Variants in SLIT2 observed in about 807,000 individuals in gnomAD.
SLIT2 encodes the protein slit homolog 2 protein.
SLIT2 carries 41 observed loss-of-function variants against 185.7 expected under a neutral mutation model. That is an observed-to-expected ratio of 0.22 (90% CI 0.17 to 0.29). The LOEUF (loss-of-function observed/expected upper bound fraction) is 0.29. Ranked by LOEUF, SLIT2 falls within the 10% of genes least tolerant of loss-of-function variation. SLIT2 has a pLI of 1.00. For synonymous variants in SLIT2, 693 were observed against 680.2 expected (o/e 1.02, Z -0.29); for missense variants, 1,571 against 1,909.0 (o/e 0.82, Z 3.30).
At chr4:20,422,467 T>A (rs1728238179) in intron 4 of SLIT2, among the ~76,000 whole-genome samples, 2 of 152,200 alleles carry the variant, frequency 1.3e-5, no homozygotes, top group African/African-American at 4.8e-5. Context: ...ATTGCCACTA[T>A]TTGATCATTT....
chr4:20,611,974 T>C (rs138321760), intron 34 of SLIT2, among the ~76,000 whole-genome samples: 1,543 of 152,334 alleles, frequency 0.01, 24 homozygotes, highest in African/African-American at 0.036. Flanking sequence ...TGTGGCCTTT[T>C]GTTGTTTATT....
chr4:20,335,387 A>G (rs1720405298), intron 4 of SLIT2, among the ~76,000 whole-genome samples: 1 of 152,222 alleles, frequency 6.6e-6, no homozygotes, highest in South Asian at 2.1e-4. Flanking sequence ...ATGAAATGGC[A>G]TGGCTTATTA....
At chr4:20,322,023 G>A (rs552176636) in intron 4 of SLIT2, among the ~76,000 whole-genome samples, 21 of 152,236 alleles carry the variant, frequency 1.4e-4, no homozygotes, top group Middle Eastern at 6.8e-3. Flanking sequence ...CTAACAACTC[G>A]TTGAAAGCCA....
intron 28 of SLIT2, 29 bp from the exon 29 acceptor site, chr4:20,568,835 GT>G (rs1204199826): frequency 2.5e-6 from 4 of 1,600,408 alleles, no homozygotes; most frequent in South Asian, 2.2e-5. Flanking sequence ...ACAAAAAGAT[GT>G]TTTTTGCCTT....
chr4:20,298,755 CTT>C (rs1716748965), intron 4 of SLIT2, among the ~76,000 whole-genome samples: 1 of 152,162 alleles, frequency 6.6e-6, no homozygotes, highest in South Asian at 2.1e-4. Flanking sequence ...TTAAGAAAGT[CTT>C]GTTGCTTAGT....
intron 4 of SLIT2, among the ~76,000 whole-genome samples, chr4:20,287,140 A>G (rs1187374272): frequency 1.3e-5 from 2 of 152,104 alleles, no homozygotes; most frequent in Non-Finnish European, 2.9e-5. Context: ...TCACTGTACC[A>G]TGGACTTCAG....
At chr4:20,275,162 G>A (rs1714039756) in intron 4 of SLIT2, among the ~76,000 whole-genome samples, 2 of 152,136 alleles carry the variant, frequency 1.3e-5, no homozygotes, top group African/African-American at 4.8e-5. Flanking sequence ...AGGGTTGGTA[G>A]GGTTTTAGTT....
At chr4:20,543,527 T>A (rs986650861) in intron 21 of SLIT2, among the ~76,000 whole-genome samples, 1 of 152,236 alleles carries the variant, frequency 6.6e-6, no homozygotes, top group Non-Finnish European at 1.5e-5. Context: ...CAATAATGAT[T>A]TAAACCCAAA....
chr4:20,550,907 CT>C lies in SLIT2; in HGVS notation c.2561+10del. On this transcript the variant is annotated intron_variant, in intron 25 of 36. Coordinates refer to ENST00000504154, the MANE Select transcript of SLIT2 (RefSeq NM_004787.4). ...TCTGCATTATCACATCTGTGAGTAC[CT>C]AGTTTATGAATATAGGTTTAGGGTC... 1 of 1,539,520 alleles carries C rather than the reference CT, an allele frequency of 6.5e-7. No homozygotes were observed. The highest frequency in any genetic ancestry group is 1.1e-5 in the South Asian group (1 of 89,144).
At chr4:20,399,535 G>A (rs553099262) in intron 4 of SLIT2, among the ~76,000 whole-genome samples, 1 of 151,686 alleles carries the variant, frequency 6.6e-6, no homozygotes, top group East Asian at 1.9e-4. Flanking sequence ...AATTGAATAT[G>A]CATTACTTGA....
chr4:20,328,877 T>A (rs989188352), intron 4 of SLIT2, among the ~76,000 whole-genome samples: 2 of 152,080 alleles, frequency 1.3e-5, no homozygotes, highest in Non-Finnish European at 2.9e-5. Context: ...TGTGTGTATG[T>A]ACATGTGTGC....
chr4:20,429,471 T>G (rs1025964310), intron 4 of SLIT2, among the ~76,000 whole-genome samples: 2 of 152,204 alleles, frequency 1.3e-5, no homozygotes, highest in Non-Finnish European at 2.9e-5. Context: ...CAACAAGTTT[T>G]CTGTCTTCTT....
chr4:20,581,066 C>CA (rs1472898309), intron 29 of SLIT2, among the ~76,000 whole-genome samples: 3 of 152,136 alleles, frequency 2.0e-5, no homozygotes, highest in African/African-American at 7.2e-5. Flanking sequence ...CTAGGGCTGC[C>CA]ATAACAAATT....
chr4:20,530,989 G>A (rs992237968), intron 16 of SLIT2, among the ~76,000 whole-genome samples: 4 of 151,692 alleles, frequency 2.6e-5, no homozygotes, highest in Admixed American at 2.0e-4. Flanking sequence ...AAACAAAAAG[G>A]GAGAGTAACA....
intron 15 of SLIT2, among the ~76,000 whole-genome samples, chr4:20,526,133 A>G (rs1268778472): frequency 6.6e-6 from 1 of 152,166 alleles, no homozygotes; most frequent in Non-Finnish European, 1.5e-5. Flanking sequence ...CTACAGCGTT[A>G]GTGTACAGAG....
chr4:20,396,426 C>T (rs914230332), intron 4 of SLIT2, among the ~76,000 whole-genome samples: 4 of 151,814 alleles, frequency 2.6e-5, no homozygotes, highest in African/African-American at 9.7e-5. Flanking sequence ...ATGCTGTCTA[C>T]AGACCCCTCA....
chr4:20,274,765 G>A (rs946077599), intron 4 of SLIT2, among the ~76,000 whole-genome samples: 4 of 149,224 alleles, frequency 2.7e-5, no homozygotes, highest in African/African-American at 9.9e-5. Flanking sequence ...TCACTCAGCT[G>A]TACTTATTTA....
At chr4:20,574,149 T>G (rs1016502462) in intron 29 of SLIT2, among the ~76,000 whole-genome samples, 4 of 151,734 alleles carry the variant, frequency 2.6e-5, no homozygotes, top group African/African-American at 7.3e-5. Flanking sequence ...AGAGACGGGA[T>G]TTCACTGTGT....
intron 4 of SLIT2, among the ~76,000 whole-genome samples, chr4:20,349,112 A>G (rs1203585212): frequency 6.6e-6 from 1 of 152,184 alleles, no homozygotes; most frequent in Non-Finnish European, 1.5e-5. Context: ...TATCTATTAC[A>G]TATAGGAATT....
Sources: gnomAD v4.1 joint callset for allele counts (sites outside exome capture counted in the v4.1 genomes callset) on GRCh38, gnomAD v4.1.1 for gene constraint, MANE v1.5 for transcripts, NCBI Gene and HGNC (gene_info 2026-07-23, HGNC 2026-07-21) for gene names.